The following PDXDC1 variants were observed in gnomAD, a reference collection of about 807,000 sequenced individuals.
PDXDC1 encodes pyridoxal dependent decarboxylase domain containing 1.
In PDXDC1, 42 loss-of-function variants were observed where a neutral mutation model predicts 100.1. That is an observed-to-expected ratio of 0.42 (90% confidence interval 0.33 to 0.54). PDXDC1 has a LOEUF of 0.54. Among genes scored for constraint, PDXDC1 ranks in the 20% least tolerant of loss-of-function variants. The probability of loss-of-function intolerance (pLI) is 0.10; values close to 1 mark genes in which losing one functional copy is unlikely to be tolerated. For missense variants in PDXDC1, 636 were observed against 979.2 expected, an observed-to-expected ratio of 0.65 and a Z score of 4.68; for synonymous variants, 260 against 371.7, an observed-to-expected ratio of 0.70 and a Z score of 3.46.
At chr16:14,996,408 CTT>C (rs1382446016) in intron 1 of PDXDC1, 2 of 418,592 alleles carry the variant, frequency 4.8e-6, no homozygotes, top group African/African-American at 4.1e-5. Flanking sequence ...AGAGCTATAA[CTT>C]ATATATGATA....
chr16:15,072,872 G>A (rs1177701851), intron 16 of PDXDC1: 12 of 1,434,482 alleles, frequency 8.4e-6, no homozygotes, highest in African/African-American at 5.7e-5. Context: ...CATGGTCTCC[G>A]TCCACCCCAG....
intron 1 of PDXDC1, among the ~76,000 whole-genome samples, chr16:14,996,546 G>C (rs767886635): frequency 1.3e-5 from 2 of 152,262 alleles, no homozygotes; most frequent in African/African-American, 4.8e-5. Flanking sequence ...ATTAAGAATA[G>C]AGAAAGGAAA....
intron 16 of PDXDC1, chr16:15,094,418 G>A (rs536679017): frequency 1.0e-4 from 64 of 624,476 alleles, no homozygotes; most frequent in South Asian, 1.3e-4. Flanking sequence ...TCTACTTGGA[G>A]GACTTGTTCC....
chr16:15,132,920 C>G lies in PDXDC1; in HGVS notation c.1400-5959C>G, dbSNP rs552987409. 5.7e-6 allele frequency: 9 copies of G among 1,583,918 alleles called. No individual in the cohort carries two copies. The East Asian group carries it at 2.0e-4, about 35-fold the overall frequency. ...GCAAGCTGTCAGCAGGGCAGGAGAC[C>G]GGCAGGAGGCCAGCAGATGCCCACG... is the stretch of plus-strand genomic sequence containing the variant. On this transcript the variant is annotated intron_variant, in intron 16 of 16. Transcript: ENST00000535621.
In PDXDC1 at chr16:15,033,060, T is replaced by C. The variant is rs1163171542; in HGVS notation, c.1690+81T>C. On this transcript the variant is annotated intron_variant, in intron 18 of 22. Coordinates refer to ENST00000396410, the MANE Select transcript of PDXDC1 (RefSeq NM_015027.4). ...GCTTTGAAGACGACGGCTCATCCCT[T>C]AGCGGGCTAGCGCCTCTCGGGCTGG... is the stretch of plus-strand genomic sequence containing the variant. 13 of 1,021,592 alleles carry C rather than the reference T, an allele frequency of 1.3e-5. No homozygotes were observed. The Middle Eastern group carries it at 1.0e-3, about 81-fold the overall frequency. 63.3% of individuals were successfully genotyped at this position (1,021,592 alleles called of 1,614,324 possible). A position where few individuals can be genotyped will look rare whatever the true frequency, so the allele number is the denominator to read the frequency against.
In PDXDC1 at chr16:15,038,228, T is replaced by C; in HGVS notation, c.*1953T>C. On this transcript the variant is annotated 3_prime_UTR_variant, in exon 23 of 23. Coordinates refer to ENST00000396410, the MANE Select transcript of PDXDC1 (RefSeq NM_015027.4). ...GAAAGATTCTGAAAACACAAGATGG[T>C]GGGCATTAGAGAAGCCAACCTTACT... is the stretch of plus-strand genomic sequence containing the variant. 6.2e-7 allele frequency: 1 copy of C among 1,607,194 alleles called. No homozygotes were observed. The highest frequency in any genetic ancestry group is 8.5e-7 in the Non-Finnish European group (1 of 1,175,732).
chr16:15,053,931 A>C (rs4985148), intron 16 of PDXDC1, among the ~76,000 whole-genome samples: 46,657 of 149,840 alleles, frequency 0.31, 7,672 homozygotes, highest in Admixed American at 0.46. Flanking sequence ...AACCAACCAA[A>C]CAAACAAACA....
Position 15,030,017 on chromosome 16 carries a change from G to A in PDXDC1, c.1360G>A (p.Gly454Ser). 1 of 1,555,298 alleles carries A rather than the reference G, an allele frequency of 6.4e-7. No individual in the cohort carries two copies. Among genetic ancestry groups the A allele is most frequent in the Non-Finnish European group, 8.7e-7 (1 of 1,148,954 alleles). The change falls in exon 16 of 23, where the codon GGC becomes AGC. Residue 454 changes from glycine (G) to serine (S), a missense_variant. Physicochemically the swap from Gly to Ser is moderately conservative, Grantham distance 56 (BLOSUM62 0). Transcript: ENST00000396410. ...CACAGTCATGGATCTGGAAGCTGAGGGCACGTGTTTGCGGTTCAGCCCTTT... is the reference window on the plus strand; with the variant it reads ...CACAGTCATGGATCTGGAAGCTGAGAGCACGTGTTTGCGGTTCAGCCCTTT... ...GLTVMDLEAEGTCLRFSPLMT... is the reference protein window; with the variant it reads ...GLTVMDLEAESTCLRFSPLMT...
At chr16:15,122,161 C>T (rs1287389115) in intron 16 of PDXDC1, among the ~76,000 whole-genome samples, 1 of 151,998 alleles carries the variant, frequency 6.6e-6, no homozygotes, top group East Asian at 1.9e-4. Context: ...GAGACTCTGT[C>T]TAAAAAACAA....
At chr16:15,060,134 A>G (rs1436277790) in intron 16 of PDXDC1, 1 of 361,898 alleles carries the variant, frequency 2.8e-6, no homozygotes, top group Non-Finnish European at 5.5e-6. Flanking sequence ...CTCCTTTGAA[A>G]TTAAACAGAC....
intron 14 of PDXDC1, among the ~76,000 whole-genome samples, chr16:15,028,312 A>G (rs1485480638): frequency 3.9e-5 from 6 of 152,296 alleles, no homozygotes; most frequent in Non-Finnish European, 7.3e-5. Context: ...TCCACTAAGT[A>G]TCCACATCCT....
intron 16 of PDXDC1, among the ~76,000 whole-genome samples, chr16:15,097,201 G>T (rs1207828065): frequency 6.6e-6 from 1 of 151,772 alleles, no homozygotes; most frequent in Non-Finnish European, 1.5e-5. Flanking sequence ...CCAGGAGTTG[G>T]AAGCTGCAGT....
the PDXDC1 span, among the ~76,000 whole-genome samples, chr16:15,146,375 G>A: frequency 2.6e-5 from 4 of 152,196 alleles, no homozygotes; most frequent in Admixed American, 2.6e-4. Flanking sequence ...ACGTCAGGGC[G>A]GGCACTGAGC....
rs2043530866 is a variant in PDXDC1 at position 15,037,475 on chromosome 16, A to G, written c.*1200A>G. The stretch of plus-strand genomic sequence containing the variant: ...TTGACATTTACACTTGTCAAAATGC[A>G]GGGGGTTTTTTTTGGTGCAGATGAT... On this transcript the variant is annotated 3_prime_UTR_variant, in exon 23 of 23. Transcript: ENST00000396410. 1 of 152,446 alleles carries G rather than the reference A, an allele frequency of 6.6e-6. No homozygotes were observed. Among genetic ancestry groups the G allele is most frequent in the Non-Finnish European group, 1.5e-5 (1 of 68,268 alleles). 9.4% of individuals were successfully genotyped at this position (152,446 alleles called of 1,614,324 possible). A position where few individuals can be genotyped will look rare whatever the true frequency, so the allele number is the denominator to read the frequency against.
chr16:15,105,287 C>G (rs1212841292), intron 16 of PDXDC1, among the ~76,000 whole-genome samples: 1 of 94,772 alleles, frequency 1.1e-5, no homozygotes, highest in African/African-American at 4.1e-5. Flanking sequence ...TGTGACCACC[C>G]TGCTCCAAAT....
At chr16:14,989,522 C>T in intron 1 of PDXDC1, 3 of 1,612,366 alleles carry the variant, frequency 1.9e-6, no homozygotes, top group South Asian at 1.1e-5. Flanking sequence ...CGGTCACGCG[C>T]TCCGTGGGGT....
At chr16:15,059,958 C>T (rs1166156270) in intron 16 of PDXDC1, 2 of 185,124 alleles carry the variant, frequency 1.1e-5, no homozygotes, top group African/African-American at 4.8e-5. Flanking sequence ...AGCAATGCCT[C>T]AGGAGTTTTC....
intron 16 of PDXDC1, among the ~76,000 whole-genome samples, chr16:15,129,266 C>G (rs970875593): frequency 8.0e-5 from 12 of 150,770 alleles, no homozygotes; most frequent in Non-Finnish European, 1.5e-5. Flanking sequence ...GTCAGGAGTT[C>G]GCCTGGCTGA....
At chr16:15,073,018 G>A in intron 16 of PDXDC1, 11 of 1,613,342 alleles carry the variant, frequency 6.8e-6, no homozygotes, top group Non-Finnish European at 9.3e-6. Flanking sequence ...GGCAACAGGA[G>A]TTTGTCAAAG....
Sources: gnomAD v4.1 joint callset for allele counts (sites outside exome capture counted in the v4.1 genomes callset) on GRCh38, gnomAD v4.1.1 for gene constraint, MANE v1.5 for transcripts, NCBI Gene and HGNC (gene_info 2026-07-23, HGNC 2026-07-21) for gene names.